Variants in UVRAG observed in about 807,000 individuals in gnomAD.
The protein encoded by UVRAG is UV radiation resistance associated.
In UVRAG, 19 loss-of-function variants were observed where a neutral mutation model predicts 78.0. That is an observed-to-expected ratio of 0.24 (90% CI 0.17 to 0.36). The LOEUF (loss-of-function observed/expected upper bound fraction) is 0.36. Among genes scored for constraint, UVRAG ranks in the 10% least tolerant of loss-of-function variants. UVRAG has a pLI of 1.00. For synonymous variants in UVRAG, 323 were observed against 324.6 expected (o/e 1.00, Z 0.05); for missense variants, 740 against 853.8 (o/e 0.87, Z 1.66).
At chr11:75,864,427 T>C (rs1946493256) in intron 3 of UVRAG, among the ~76,000 whole-genome samples, 1 of 152,200 alleles carries the variant, frequency 6.6e-6, no homozygotes, top group African/African-American at 2.4e-5. Context: ...TTGGTTCAGA[T>C]TGATGGGCAT....
intron 8 of UVRAG, among the ~76,000 whole-genome samples, chr11:75,999,259 T>A (rs1257207773): frequency 7.3e-6 from 1 of 136,062 alleles, no homozygotes; most frequent in Non-Finnish European, 1.6e-5. Context: ...AAAGTCAACT[T>A]TCTAAGGCAA....
In UVRAG at chr11:75,838,601, C is replaced by T. The variant is rs1044297049; in HGVS notation, c.118-13282C>T. Among the ~76,000 whole-genome samples, 96 of 152,174 alleles carry T rather than the reference C, an allele frequency of 6.3e-4. 1 individual carries two copies. The highest frequency in any genetic ancestry group is 5.9e-5 in the Non-Finnish European group (4 of 68,030). ...CTCCTGGGCTCAAGTGATCCTCCCACATTGGCCTCCCAAAGTGCTGGGATT... is the reference window on the plus strand; with the variant it reads ...CTCCTGGGCTCAAGTGATCCTCCCATATTGGCCTCCCAAAGTGCTGGGATT... On this transcript the variant is annotated intron_variant, in intron 1 of 14. Coordinates refer to ENST00000356136, the MANE Select transcript of UVRAG (RefSeq NM_003369.4).
chr11:76,133,503 G>A (rs981384521), intron 14 of UVRAG, among the ~76,000 whole-genome samples: 2 of 152,194 alleles, frequency 1.3e-5, no homozygotes, highest in African/African-American at 2.4e-5. Context: ...GGCAAGGATG[G>A]TGGAGTAGAG....
In UVRAG at chr11:76,141,417, G is replaced by T. The variant is rs1239400224; in HGVS notation, c.*4G>T. On this transcript the variant is annotated 3_prime_UTR_variant, in exon 15 of 15. Transcript: ENST00000356136. ...GCGCAGGAGTTCCGATAAGTGAAGT[G>T]AGCAGGTCAACAGTAGGACTGGGGC... 1 of 1,610,692 alleles carries T rather than the reference G, an allele frequency of 6.2e-7. No individual in the cohort carries two copies. The highest frequency in any genetic ancestry group is 1.1e-5 in the South Asian group (1 of 90,890).
intron 12 of UVRAG, among the ~76,000 whole-genome samples, chr11:76,034,458 C>CA (rs1950493494): frequency 6.6e-6 from 1 of 152,202 alleles, no homozygotes. Context: ...CTTGGCCTCC[C>CA]AAAGTGCTGG....
chr11:75,909,263 C>T lies in UVRAG; in HGVS notation c.508-2691C>T, dbSNP rs954413769. ...TTGGGAGGCTGAGGTGGGAGGGTCT[C>T]ACGAACCCAGGAGTTCAAAGTCAGT... On this transcript the variant is annotated intron_variant, in intron 5 of 14. Transcript: ENST00000356136. Among the ~76,000 whole-genome samples, 5 of 152,228 alleles carry T rather than the reference C, an allele frequency of 3.3e-5. No individual in the cohort carries two copies. In the South Asian group the frequency reaches 8.3e-4, roughly 25 times the overall value.
rs566754979 is a variant in UVRAG at position 76,031,289 on chromosome 11, C to T, written c.1226+14309C>T. On this transcript the variant is annotated intron_variant, in intron 12 of 14. Coordinates refer to ENST00000356136, the MANE Select transcript of UVRAG (RefSeq NM_003369.4). ...AACATGTTTTAAAATAAGGAATCCC[C>T]ATGGAAATTCAGGCAGTAAAGATCA... Among the ~76,000 whole-genome samples the T allele has an allele frequency of 1.7e-3, 256 of 152,234 alleles. 1 individual carries two copies. The highest frequency in any genetic ancestry group is 5.5e-3 in the African/African-American group (227 of 41,538).
intron 1 of UVRAG, among the ~76,000 whole-genome samples, chr11:75,847,754 C>T (rs560030497): frequency 1.4e-4 from 21 of 151,966 alleles, no homozygotes; most frequent in East Asian, 1.4e-3. Context: ...GGGCGGATCA[C>T]GAGGTCAGGA....
chr11:75,939,810 A>G (rs1194682793), intron 6 of UVRAG, among the ~76,000 whole-genome samples: 1 of 152,174 alleles, frequency 6.6e-6, no homozygotes, highest in Non-Finnish European at 1.5e-5. Context: ...AATTACTAGT[A>G]TGCTGGTATA....
At chr11:75,949,714 T>TATATACAC (rs59607906) in intron 6 of UVRAG, among the ~76,000 whole-genome samples, 8 of 136,874 alleles carry the variant, frequency 5.8e-5, no homozygotes, top group African/African-American at 2.3e-4. Flanking sequence ...TATATATATA[T>TATATACAC]ACACACACAC....
intron 1 of UVRAG, among the ~76,000 whole-genome samples, chr11:75,828,797 ATATATATAT>A (rs1458124470): frequency 1.0e-5 from 1 of 95,540 alleles, no homozygotes; most frequent in African/African-American, 4.6e-5. Context: ...ATATATATAT[ATATATATAT>A]TTTTTTTTTT....
chr11:76,040,033 T>A (rs533021522), intron 12 of UVRAG, among the ~76,000 whole-genome samples: 178 of 152,214 alleles, frequency 1.2e-3, no homozygotes, highest in Non-Finnish European at 1.9e-3. Context: ...CTTCTCTGAT[T>A]TGGCATAATA....
intron 11 of UVRAG, among the ~76,000 whole-genome samples, chr11:76,013,904 T>C (rs1362344956): frequency 6.6e-6 from 1 of 152,204 alleles, no homozygotes; most frequent in Non-Finnish European, 1.5e-5. Context: ...TGTTTAACAC[T>C]GAGTCTGTGA....
chr11:75,868,421 T>G (rs537289796), intron 3 of UVRAG, among the ~76,000 whole-genome samples: 1 of 152,146 alleles, frequency 6.6e-6, no homozygotes, highest in Non-Finnish European at 1.5e-5. Context: ...GGGAATGGCC[T>G]GGAGCAATAG....
chr11:76,062,210 C>T (rs992463472), intron 12 of UVRAG, among the ~76,000 whole-genome samples: 6 of 152,110 alleles, frequency 3.9e-5, no homozygotes, highest in Admixed American at 2.6e-4. Flanking sequence ...TGAGGGCCCA[C>T]CTGAATAATA....
rs1297149515 is a variant in UVRAG, at chr11:76,139,991, TA to T, written c.1398-708del. Reference sequence around the variant, plus strand: ...TATTTCCCAAGTTAGTTTTTCATTTTAAAAAAAAAAAAGGAACCCCTCAAAA... The same window carrying T: ...TATTTCCCAAGTTAGTTTTTCATTTTAAAAAAAAAAAGGAACCCCTCAAAA... On this transcript the variant is annotated intron_variant, in intron 14 of 14. Transcript: ENST00000356136. Among the ~76,000 whole-genome samples, 4 of 144,868 alleles carry T rather than the reference TA, an allele frequency of 2.8e-5. No individual in the cohort carries two copies. The East Asian group carries it at 6.1e-4, about 22-fold the overall frequency.
chr11:75,909,269 C>G (rs186878936), intron 5 of UVRAG, among the ~76,000 whole-genome samples: 62 of 152,124 alleles, frequency 4.1e-4, no homozygotes, highest in Non-Finnish European at 7.5e-4. Flanking sequence ...GTCTCACGAA[C>G]CCAGGAGTTC....
intron 5 of UVRAG, among the ~76,000 whole-genome samples, chr11:75,908,344 C>T (rs950680129): frequency 5.3e-5 from 8 of 152,102 alleles, no homozygotes; most frequent in Non-Finnish European, 8.8e-5. Context: ...GGGTTGCTTC[C>T]ACCCCTTGGC....
intron 2 of UVRAG, among the ~76,000 whole-genome samples, chr11:75,856,089 A>G (rs893288974): frequency 6.6e-6 from 1 of 152,106 alleles, no homozygotes; most frequent in Non-Finnish European, 1.5e-5. Context: ...TCCTGGGTTC[A>G]GACCATTCTC....
Sources: gnomAD v4.1 joint callset for allele counts (sites outside exome capture counted in the v4.1 genomes callset) on GRCh38, gnomAD v4.1.1 for gene constraint, MANE v1.5 for transcripts, NCBI Gene and HGNC (gene_info 2026-07-23, HGNC 2026-07-21) for gene names.